The following HTR4 variants were observed in gnomAD, a reference collection of about 807,000 sequenced individuals.
The protein encoded by HTR4 is 5-hydroxytryptamine (serotonin) receptor 4, G protein-coupled.
HTR4 carries 16 observed loss-of-function variants against 36.8 expected under a neutral mutation model. The ratio of observed to expected loss-of-function variants is 0.43; its 90% confidence interval spans 0.29 to 0.66. The LOEUF is 0.66. Ranked by LOEUF, HTR4 falls within the 30% of genes least tolerant of loss-of-function variation. The pLI, the probability that HTR4 is intolerant of heterozygous loss-of-function variation, is 0.13. For synonymous variants in HTR4, 189 were observed against 185.1 expected, an observed-to-expected ratio of 1.02 and a Z score of -0.17; for missense variants, 438 against 490.9, an observed-to-expected ratio of 0.89 and a Z score of 1.02.
intron 2 of HTR4, among the ~76,000 whole-genome samples, chr5:148,566,862 A>G: frequency 6.6e-6 from 1 of 152,008 alleles, no homozygotes; most frequent in East Asian, 1.9e-4. Flanking sequence ...TCTAGGTGAT[A>G]TTAATCTAAA....
intron 5 of HTR4, among the ~76,000 whole-genome samples, chr5:148,469,330 T>C (rs781619718): frequency 3.3e-5 from 5 of 152,238 alleles, no homozygotes; most frequent in Non-Finnish European, 5.9e-5. Flanking sequence ...ACTCTAACGC[T>C]GTACCACTGT....
intron 2 of HTR4, among the ~76,000 whole-genome samples, chr5:148,621,805 C>CA (rs1361721561): frequency 6.6e-6 from 1 of 152,056 alleles, no homozygotes; most frequent in Non-Finnish European, 1.5e-5. Flanking sequence ...TTATCCTTTT[C>CA]AAAAAATGGT....
chr5:148,649,902 G>A (rs1169365992), intron 1 of HTR4, among the ~76,000 whole-genome samples: 1 of 152,086 alleles, frequency 6.6e-6, no homozygotes, highest in Non-Finnish European at 1.5e-5. Flanking sequence ...TAACCCAATA[G>A]TTCTCAAATA....
intron 6 of HTR4, among the ~76,000 whole-genome samples, chr5:148,486,006 A>C (rs1756141811): frequency 6.6e-6 from 1 of 152,200 alleles, no homozygotes; most frequent in Non-Finnish European, 1.5e-5. Flanking sequence ...ATTTAAATAA[A>C]GATTGAAAAT....
intron 2 of HTR4, among the ~76,000 whole-genome samples, chr5:148,589,315 T>G (rs2127256256): frequency 6.6e-6 from 1 of 152,362 alleles, no homozygotes; most frequent in Middle Eastern, 3.4e-3. Context: ...TCAAAATAAT[T>G]ATACCATTGA....
At chr5:148,547,806 T>C (rs1037828260) in intron 4 of HTR4, among the ~76,000 whole-genome samples, 2 of 152,144 alleles carry the variant, frequency 1.3e-5, no homozygotes, top group Non-Finnish European at 2.9e-5. Flanking sequence ...CTTGGGTTTG[T>C]TGGGTTGCTC....
In HTR4 at chr5:148,512,697, G is replaced by A. The variant is rs552706000; in HGVS notation, c.508-2673C>T. ...TGTAATCCCAGCACCTTGTGAGGCC[G>A]AGGTAGGCAAATCACTTGAGGCCAG... On this transcript the variant is annotated intron_variant, in intron 5 of 6. Coordinates refer to ENST00000377888, the MANE Select transcript of HTR4 (RefSeq NM_000870.7). Among the ~76,000 whole-genome samples the A allele has an allele frequency of 1.0e-3, 155 of 152,252 alleles. 1 individual carries two copies. The highest frequency in any genetic ancestry group is 3.6e-3 in the African/African-American group (151 of 41,572).
chr5:148,491,346 TAAG>T (rs1756425305), intron 6 of HTR4, among the ~76,000 whole-genome samples: 1 of 152,096 alleles, frequency 6.6e-6, no homozygotes, highest in Non-Finnish European at 1.5e-5. Flanking sequence ...GGTCTTGCCT[TAAG>T]AATGTATGAG....
intron 6 of HTR4, among the ~76,000 whole-genome samples, chr5:148,507,956 A>G (rs752267849): frequency 6.6e-6 from 1 of 152,172 alleles, no homozygotes; most frequent in African/African-American, 2.4e-5. Context: ...AGGCATAATA[A>G]TTAAGAGAGA....
chr5:148,529,458 C>T (rs1374829526), intron 4 of HTR4, among the ~76,000 whole-genome samples: 1 of 152,210 alleles, frequency 6.6e-6, no homozygotes, highest in Non-Finnish European at 1.5e-5. Flanking sequence ...GGGAATTTCC[C>T]TGCACAATCT....
chr5:148,565,647 T>C (rs1760402635), intron 2 of HTR4, among the ~76,000 whole-genome samples: 1 of 152,062 alleles, frequency 6.6e-6, no homozygotes, highest in Admixed American at 6.5e-5. Context: ...ACAACCAACA[T>C]GTATACACTC....
chr5:148,629,675 G>A (rs1047049712), intron 2 of HTR4: 1 of 152,122 alleles, frequency 6.6e-6, no homozygotes, highest in African/African-American at 2.4e-5. Context: ...AAAAGACTGA[G>A]CTTCCTGCAG....
At chr5:148,585,063 C>T (rs1394813974) in intron 2 of HTR4, among the ~76,000 whole-genome samples, 1 of 152,178 alleles carries the variant, frequency 6.6e-6, no homozygotes, top group Admixed American at 6.5e-5. Context: ...GGGTGTGAGT[C>T]CTGGCTAGCT....
At chr5:148,465,752 G>A (rs899477329) in intron 5 of HTR4, 13 of 1,472,082 alleles carry the variant, frequency 8.8e-6, no homozygotes, top group South Asian at 1.5e-5. Flanking sequence ...ACTTTGTCCT[G>A]TGAGGACAGA....
In HTR4 at chr5:148,604,867, T is replaced by A. The variant is rs575922103; in HGVS notation, c.26+32122A>T. Among the ~76,000 whole-genome samples the A allele has an allele frequency of 7.8e-4, 119 of 152,332 alleles. 1 individual carries two copies. Among genetic ancestry groups the A allele is most frequent in the African/African-American group, 2.6e-3 (110 of 41,580 alleles). On this transcript the variant is annotated intron_variant, in intron 2 of 6. Transcript: ENST00000377888. ...CAGGTATTGGAAATGTTATTATTTC[T>A]TGACACAGTTGTTCCAATAAAAACA...
chr5:148,527,907 C>A (rs368054447), intron 4 of HTR4, among the ~76,000 whole-genome samples: 1 of 152,176 alleles, frequency 6.6e-6, no homozygotes, highest in African/African-American at 2.4e-5. Context: ...AGCCACCACA[C>A]CTGGCCCCCT....
At chr5:148,507,998 T>G (rs1301649274) in intron 6 of HTR4, among the ~76,000 whole-genome samples, 1 of 152,182 alleles carries the variant, frequency 6.6e-6, no homozygotes, top group East Asian at 1.9e-4. Flanking sequence ...CTTTGGGGTC[T>G]TTCCACCAGC....
intron 4 of HTR4, among the ~76,000 whole-genome samples, chr5:148,548,409 C>T (rs1482985079): frequency 1.3e-5 from 2 of 152,174 alleles, no homozygotes; most frequent in Non-Finnish European, 2.9e-5. Context: ...TTGCTGACAT[C>T]TATTGCTATT....
At chr5:148,553,448 G>A (rs77156976) in intron 2 of HTR4, among the ~76,000 whole-genome samples, 2 of 152,194 alleles carry the variant, frequency 1.3e-5, no homozygotes, top group Non-Finnish European at 2.9e-5. Context: ...CAGAGGTGCT[G>A]ATTTAATTGG....
Sources: gnomAD v4.1 joint callset for allele counts (sites outside exome capture counted in the v4.1 genomes callset) on GRCh38, gnomAD v4.1.1 for gene constraint, MANE v1.5 for transcripts, NCBI Gene and HGNC (gene_info 2026-07-23, HGNC 2026-07-21) for gene names.